CCBE1: variants seen among roughly 807,000 people sequenced by gnomAD.
CCBE1 encodes collagen and calcium-binding EGF domain-containing protein 1.
A neutral mutation model predicts 50.0 loss-of-function variants in CCBE1; 37 were observed. The observed-to-expected ratio is 0.74, with a 90% CI of 0.57 to 0.97. CCBE1 has a LOEUF of 0.97. CCBE1 is among the 50% of genes least tolerant of loss of function. The pLI is 0.00. For synonymous variants in CCBE1, 234 were observed against 203.7 expected (o/e 1.15, Z -1.27); for missense variants, 538 against 523.8 (o/e 1.03, Z -0.26).
chr18:59,451,743 A>G (rs1368548835), intron 6 of CCBE1, among the ~76,000 whole-genome samples: 2 of 152,198 alleles, frequency 1.3e-5, no homozygotes, highest in Non-Finnish European at 1.5e-5. Context: ...GTTGCAGCAA[A>G]CCACCATGGC....
intron 2 of CCBE1, among the ~76,000 whole-genome samples, chr18:59,684,953 G>A (rs1013722467): frequency 5.9e-5 from 9 of 152,110 alleles, no homozygotes; most frequent in Admixed American, 2.6e-4. Flanking sequence ...GCGTACAGAT[G>A]GGATGGGAGG....
At chr18:59,567,427 C>A (rs1479119187) in intron 2 of CCBE1, among the ~76,000 whole-genome samples, 1 of 152,194 alleles carries the variant, frequency 6.6e-6, no homozygotes, top group East Asian at 1.9e-4. Flanking sequence ...AGCCACTGCG[C>A]CTGGCTGCAT....
At chr18:59,440,661 C>CT (rs1442601321) in intron 7 of CCBE1, among the ~76,000 whole-genome samples, 1 of 152,126 alleles carries the variant, frequency 6.6e-6, no homozygotes, top group African/African-American at 2.4e-5. Flanking sequence ...TCCCTTACTT[C>CT]TTAGTGAGGG....
At chr18:59,620,975 A>AG (rs533744087) in intron 2 of CCBE1, among the ~76,000 whole-genome samples, 5 of 152,236 alleles carry the variant, frequency 3.3e-5, no homozygotes, top group Non-Finnish European at 7.3e-5. Flanking sequence ...ACAAAGGGTA[A>AG]GGCAGGGAAG....
intron 2 of CCBE1, among the ~76,000 whole-genome samples, chr18:59,566,772 C>G (rs2052835575): frequency 6.6e-6 from 1 of 152,126 alleles, no homozygotes; most frequent in Admixed American, 6.5e-5. Context: ...TCACCACTCT[C>G]TTTTTTTGTC....
At chr18:59,672,512 G>C (rs1393019647) in intron 2 of CCBE1, among the ~76,000 whole-genome samples, 2 of 152,134 alleles carry the variant, frequency 1.3e-5, no homozygotes, top group East Asian at 1.9e-4. Context: ...ATTGATGAGG[G>C]ACCAAGTGGA....
At chr18:59,495,813 C>T (rs1044505318) in intron 2 of CCBE1, among the ~76,000 whole-genome samples, 9 of 152,212 alleles carry the variant, frequency 5.9e-5, no homozygotes, top group Non-Finnish European at 1.3e-4. Flanking sequence ...CGCCCTGGTT[C>T]TCCAGGCAAC....
chr18:59,657,080 A>G (rs1449697359), intron 2 of CCBE1, among the ~76,000 whole-genome samples: 1 of 152,158 alleles, frequency 6.6e-6, no homozygotes, highest in Non-Finnish European at 1.5e-5. Flanking sequence ...TGAGCCTTCC[A>G]TTTCCTTGGT....
intron 2 of CCBE1, among the ~76,000 whole-genome samples, chr18:59,687,926 C>G (rs1254959531): frequency 6.6e-6 from 1 of 151,658 alleles, no homozygotes; most frequent in Non-Finnish European, 1.5e-5. Flanking sequence ...GCACCACTGC[C>G]CTCCAGCTTG....
intron 2 of CCBE1, among the ~76,000 whole-genome samples, chr18:59,665,708 G>A (rs536747837): frequency 3.9e-5 from 6 of 152,152 alleles, no homozygotes; most frequent in Admixed American, 3.3e-4. Context: ...TTACGGCTCC[G>A]AGGTGATGGA....
intron 2 of CCBE1, among the ~76,000 whole-genome samples, chr18:59,548,405 T>C (rs1346673136): frequency 6.6e-6 from 1 of 152,196 alleles, no homozygotes; most frequent in Admixed American, 6.5e-5. Flanking sequence ...TCTTCCAGCC[T>C]ATGAAGGAGG....
chr18:59,524,773 T>C (rs1914750598), intron 2 of CCBE1, among the ~76,000 whole-genome samples: 1 of 152,082 alleles, frequency 6.6e-6, no homozygotes, highest in Non-Finnish European at 1.5e-5. Context: ...TAGGCCCCAG[T>C]ATGTGCTGTT....
At chr18:59,654,357 G>A (rs1168917477) in intron 2 of CCBE1, among the ~76,000 whole-genome samples, 1 of 152,260 alleles carries the variant, frequency 6.6e-6, no homozygotes, top group Admixed American at 6.5e-5. Context: ...ACAGCCCAGA[G>A]AATCATGCCC....
At chr18:59,559,743 C>A (rs1329684551) in intron 2 of CCBE1, among the ~76,000 whole-genome samples, 1 of 152,190 alleles carries the variant, frequency 6.6e-6, no homozygotes, top group African/African-American at 2.4e-5. Flanking sequence ...CTATGAAGGC[C>A]AGTCAGTGGA....
chr18:59,680,589 T>C (rs958780631), intron 2 of CCBE1, among the ~76,000 whole-genome samples: 1 of 151,192 alleles, frequency 6.6e-6, no homozygotes, highest in Non-Finnish European at 1.5e-5. Context: ...TCCCAGCTAC[T>C]GGGGAGGCTG....
intron 2 of CCBE1, among the ~76,000 whole-genome samples, chr18:59,548,295 A>G (rs1915785633): frequency 6.6e-6 from 1 of 152,230 alleles, no homozygotes; most frequent in Non-Finnish European, 1.5e-5. Context: ...TACTGACATG[A>G]AGACAATAAA....
intron 2 of CCBE1, among the ~76,000 whole-genome samples, chr18:59,485,848 G>A (rs1344864287): frequency 1.3e-5 from 2 of 151,482 alleles, no homozygotes; most frequent in African/African-American, 2.4e-5. Flanking sequence ...TGATCCGCCC[G>A]CCTCGGCCTC....
At chr18:59,498,479 C>T (rs1913460936) in intron 2 of CCBE1, among the ~76,000 whole-genome samples, 2 of 152,118 alleles carry the variant, frequency 1.3e-5, no homozygotes, top group Non-Finnish European at 2.9e-5. Context: ...TTGAGACTTG[C>T]ATTCTAACAG....
chr18:59,484,810 G>C (rs967434946), intron 2 of CCBE1, among the ~76,000 whole-genome samples: 10 of 152,038 alleles, frequency 6.6e-5, no homozygotes, highest in Non-Finnish European at 1.0e-4. Flanking sequence ...ACATTATTTT[G>C]CATGTGAAAC....
Sources: allele counts gnomAD v4.1 joint callset (sites outside exome capture counted in the v4.1 genomes callset), GRCh38; gene constraint gnomAD v4.1.1; transcripts MANE v1.5; gene names NCBI Gene and HGNC (gene_info 2026-07-23, HGNC 2026-07-21).